DPP6: variants seen among roughly 807,000 people sequenced by gnomAD.
DPP6 encodes dipeptidyl peptidase like 6.
DPP6 carries 69 observed loss-of-function variants against 122.6 expected under a neutral mutation model. The ratio of observed to expected loss-of-function variants is 0.56; its 90% CI spans 0.46 to 0.69. DPP6 has a LOEUF of 0.69. Among genes scored for constraint, DPP6 ranks in the 30% least tolerant of loss-of-function variants. The pLI is 0.00. For synonymous variants in DPP6, 418 were observed against 433.1 expected (o/e 0.97, Z 0.43); for missense variants, 928 against 1,116.9 (o/e 0.83, Z 2.41).
chr7:154,806,892 C>T (rs1000022497), intron 15 of DPP6, 102 bp from the exon 16 acceptor site: 29 of 1,483,440 alleles, frequency 2.0e-5, no homozygotes, highest in Admixed American at 7.7e-5. Context: ...AGCAGGGCTC[C>T]GCAGATCACC....
At chr7:154,479,570 A>AAAAAAAAAAAAAAAG (rs572938567) in intron 3 of DPP6, among the ~76,000 whole-genome samples, 3 of 101,620 alleles carry the variant, frequency 3.0e-5, no homozygotes, top group African/African-American at 9.7e-5. Context: ...AAAAAAAAAA[A>AAAAAAAAAAAAAAAG]AAAAGAAAAG....
the DPP6 span, among the ~76,000 whole-genome samples, chr7:153,799,571 A>G: frequency 6.6e-6 from 1 of 152,214 alleles, no homozygotes; most frequent in Non-Finnish European, 1.5e-5. Context: ...AGAAGTGATC[A>G]TCAGATTCTA....
chr7:153,977,213 G>A (rs1796355801), intron 1 of DPP6, among the ~76,000 whole-genome samples: 1 of 151,920 alleles, frequency 6.6e-6, no homozygotes, highest in African/African-American at 2.4e-5. Context: ...GTGTGTGTGT[G>A]TGTGTGTGTT....
intron 1 of DPP6, among the ~76,000 whole-genome samples, chr7:154,090,081 C>T (rs1262786832): frequency 6.6e-6 from 1 of 152,164 alleles, no homozygotes; most frequent in African/African-American, 2.4e-5. Flanking sequence ...GCCTTGGAAG[C>T]CTCAGTTCCT....
At chr7:154,083,153 C>T (rs553221827) in intron 1 of DPP6, among the ~76,000 whole-genome samples, 94 of 151,894 alleles carry the variant, frequency 6.2e-4, no homozygotes, top group African/African-American at 2.2e-3. Flanking sequence ...CTGGCCTGTG[C>T]CTATCGTTTA....
At chr7:153,864,569 A>G in the DPP6 span, among the ~76,000 whole-genome samples, 9 of 151,948 alleles carry the variant, frequency 5.9e-5, no homozygotes, top group South Asian at 2.1e-4. Context: ...GGCAGGGACA[A>G]TTGCTTGAAC....
intron 1 of DPP6, among the ~76,000 whole-genome samples, chr7:153,986,331 A>AT (rs947230928): frequency 6.6e-5 from 10 of 151,828 alleles, no homozygotes; most frequent in South Asian, 2.1e-4. Flanking sequence ...CTATCTTTCT[A>AT]TTTTTTTTAT....
At chr7:153,798,111 G>A in the DPP6 span, among the ~76,000 whole-genome samples, 1 of 152,020 alleles carries the variant, frequency 6.6e-6, no homozygotes, top group African/African-American at 2.4e-5. Flanking sequence ...CAAAGTGCTG[G>A]GATTACAGGC....
chr7:153,765,376 A>G, the DPP6 span, among the ~76,000 whole-genome samples: 1 of 151,886 alleles, frequency 6.6e-6, no homozygotes, highest in Non-Finnish European at 1.5e-5. Flanking sequence ...ACCTGTCTCT[A>G]CTAAAAATAC....
the DPP6 span, among the ~76,000 whole-genome samples, chr7:153,848,709 A>T: frequency 6.6e-6 from 1 of 152,170 alleles, no homozygotes; most frequent in Non-Finnish European, 1.5e-5. Context: ...GAACGATTCA[A>T]ATCATTATTA....
chr7:154,496,283 T>C lies in DPP6; in HGVS notation c.457+21246T>C, dbSNP rs551774246. Among the ~76,000 whole-genome samples, 3 of 152,230 alleles carry C rather than the reference T, an allele frequency of 2.0e-5. No individual in the cohort carries two copies. In the South Asian group the frequency reaches 6.2e-4, roughly 32 times the overall value. On this transcript the variant is annotated intron_variant, in intron 3 of 25. Coordinates refer to ENST00000377770, the MANE Select transcript of DPP6 (RefSeq NM_130797.4). ...TAGTCTCAGAATCCAAGACTGCAAA[T>C]CTCCTGTCTAAAAGGAATGAGTTAA... is the stretch of plus-strand genomic sequence containing the variant.
At chr7:153,794,534 C>CG in the DPP6 span, among the ~76,000 whole-genome samples, 1 of 151,980 alleles carries the variant, frequency 6.6e-6, no homozygotes, top group East Asian at 1.9e-4. Context: ...GGCTTACAGG[C>CG]GGTAGGGACT....
intron 16 of DPP6, among the ~76,000 whole-genome samples, chr7:154,836,470 G>T (rs1801066372): frequency 6.6e-6 from 1 of 152,216 alleles, no homozygotes; most frequent in Admixed American, 6.5e-5. Context: ...AAGCAGGAGA[G>T]AAGTAATTAA....
At chr7:153,982,736 G>A (rs550832174) in intron 1 of DPP6, among the ~76,000 whole-genome samples, 13 of 152,148 alleles carry the variant, frequency 8.5e-5, no homozygotes, top group South Asian at 2.1e-4. Context: ...TTGCGTTGTC[G>A]TCCTTTTTGT....
At chr7:154,585,380 C>A (rs796896928) in intron 5 of DPP6, among the ~76,000 whole-genome samples, 1 of 152,308 alleles carries the variant, frequency 6.6e-6, no homozygotes, top group South Asian at 2.1e-4. Flanking sequence ...TTACTGCATC[C>A]CCTCTGTACA....
At chr7:154,870,166 G>A (rs58873290) in intron 18 of DPP6, among the ~76,000 whole-genome samples, 27,217 of 116,484 alleles carry the variant, frequency 0.23, 3,243 homozygotes, top group East Asian at 0.54. Context: ...TTTTTTTTTC[G>A]TAGAGACAGG....
chr7:154,553,927 G>T (rs903364545), intron 4 of DPP6, among the ~76,000 whole-genome samples: 7 of 146,848 alleles, frequency 4.8e-5, no homozygotes, highest in Admixed American at 4.1e-4. Context: ...AAAAAAAAGT[G>T]CTGACACAGC....
chr7:154,684,432 T>C (rs1040733126), intron 7 of DPP6, among the ~76,000 whole-genome samples: 1 of 152,252 alleles, frequency 6.6e-6, no homozygotes, highest in Non-Finnish European at 1.5e-5. Context: ...TGTTCAAAGG[T>C]TGAATGGGTG....
At chr7:154,220,230 A>C (rs1471797062) in intron 1 of DPP6, among the ~76,000 whole-genome samples, 1 of 152,156 alleles carries the variant, frequency 6.6e-6, no homozygotes, top group Non-Finnish European at 1.5e-5. Context: ...CCCTTATAAA[A>C]GGGGCTTCAG....
Sources: allele counts gnomAD v4.1 joint callset (sites outside exome capture counted in the v4.1 genomes callset), GRCh38; gene constraint gnomAD v4.1.1; transcripts MANE v1.5; gene names NCBI Gene and HGNC (gene_info 2026-07-23, HGNC 2026-07-21).